The following SCARA3 variants were observed in gnomAD, a reference collection of about 807,000 sequenced individuals.
SCARA3 encodes scavenger receptor class A member 3.
In SCARA3, 39 loss-of-function variants were observed where a neutral mutation model predicts 47.0. The ratio of observed to expected loss-of-function variants is 0.83; its 90% CI spans 0.64 to 1.08. SCARA3 has a LOEUF of 1.08. Among genes scored for constraint, SCARA3 ranks in the 50% least tolerant of loss-of-function variants. The pLI is 0.00. For synonymous variants in SCARA3, 356 were observed against 334.1 expected, an observed-to-expected ratio of 1.07 and a Z score of -0.71; for missense variants, 724 against 792.3, an observed-to-expected ratio of 0.91 and a Z score of 1.04.
At chr8:27,659,668 C>CA in intron 5 of SCARA3, 129 bp downstream of exon 5, 1 of 718,488 alleles carries the variant, frequency 1.4e-6, no homozygotes, top group Non-Finnish European at 2.2e-6. Context: ...CAAATGCCTA[C>CA]AGCAGTCGGC....
At chr8:27,725,545 A>G in the SCARA3 span, among the ~76,000 whole-genome samples, 10 of 145,592 alleles carry the variant, frequency 6.9e-5, no homozygotes, top group African/African-American at 2.3e-4. Flanking sequence ...AAAAAAAACC[A>G]GAATAATCTA....
At chr8:27,720,396 G>A in the SCARA3 span, among the ~76,000 whole-genome samples, 4 of 152,206 alleles carry the variant, frequency 2.6e-5, no homozygotes, top group Non-Finnish European at 4.4e-5. Flanking sequence ...GGAAGGGGCT[G>A]TGTAAGTCAG....
chr8:27,689,119 C>G, the SCARA3 span, among the ~76,000 whole-genome samples: 1 of 152,040 alleles, frequency 6.6e-6, no homozygotes, highest in Admixed American at 6.6e-5. Context: ...GCCCAAAAAT[C>G]CAAAGCGGAG....
chr8:27,634,165 C>G lies in SCARA3; in HGVS notation c.-36C>G. On this transcript the variant is annotated 5_prime_UTR_variant, in exon 1 of 6. Coordinates refer to ENST00000301904, the MANE Select transcript of SCARA3 (RefSeq NM_016240.3). ...GCTCCACTACAGCTCCAGCCGCCTG[C>G]AGCGGGGCCCTCCTGAGGCCCCAGA... 1 of 1,447,684 alleles carries G rather than the reference C, an allele frequency of 6.9e-7. No individual in the cohort carries two copies. Among genetic ancestry groups the G allele is most frequent in the Non-Finnish European group, 9.1e-7 (1 of 1,104,354 alleles). The allele number at this position is 1,447,684 out of a possible 1,614,324, so 89.7% of individuals were successfully genotyped here. A position where few individuals can be genotyped will look rare whatever the true frequency, so the allele number is the denominator to read the frequency against.
the SCARA3 span, among the ~76,000 whole-genome samples, chr8:27,687,078 A>G: frequency 6.6e-6 from 1 of 152,170 alleles, no homozygotes; most frequent in East Asian, 1.9e-4. Context: ...TGGGCAGGTG[A>G]CTCAGGTCTG....
the SCARA3 span, chr8:27,703,526 G>T: frequency 6.6e-6 from 1 of 152,250 alleles, no homozygotes; most frequent in Admixed American, 6.5e-5. Flanking sequence ...AGAAAAACCT[G>T]GTCTCCCAAC....
the SCARA3 span, among the ~76,000 whole-genome samples, chr8:27,681,854 A>T: frequency 1.3e-5 from 2 of 152,252 alleles, no homozygotes; most frequent in African/African-American, 4.8e-5. Context: ...ATTGATCTAT[A>T]GTCAATGTAA....
chr8:27,682,731 G>A, the SCARA3 span, among the ~76,000 whole-genome samples: 6 of 152,120 alleles, frequency 3.9e-5, no homozygotes, highest in African/African-American at 1.4e-4. Flanking sequence ...TGTTGGCAAG[G>A]ATGTAAAGCA....
Position 27,651,579 on chromosome 8 carries a change from C to T in SCARA3, c.178C>T (p.Leu60Phe), listed in dbSNP as rs777574301. Residue 60 changes from leucine to phenylalanine, a missense_variant, in exon 3 of 6, where the codon CTC becomes TTC. By Grantham distance (22) the Leu-to-Phe change is conservative. Transcript: ENST00000301904. Reference sequence around the variant, plus strand: ...GCACACATCGGTGCGGATTCTTTACCTCTTCCTGGCCCTGCTCCTGGTGGC... The same window carrying T: ...GCACACATCGGTGCGGATTCTTTACTTCTTCCTGGCCCTGCTCCTGGTGGC... ...SLHTSVRILY[L>F]FLALLLVAVA... The T allele has an allele frequency of 6.2e-7, 1 of 1,614,154 alleles. No individual in the cohort carries two copies. The highest frequency in any genetic ancestry group is 2.2e-5 in the East Asian group (1 of 44,882).
At chr8:27,706,249 G>A in the SCARA3 span, among the ~76,000 whole-genome samples, 18 of 152,116 alleles carry the variant, frequency 1.2e-4, no homozygotes, top group Non-Finnish European at 2.4e-4. Context: ...TCTGCCTCCT[G>A]GATTCAACAT....
chr8:27,722,050 A>G, the SCARA3 span, among the ~76,000 whole-genome samples: 1 of 152,238 alleles, frequency 6.6e-6, no homozygotes, highest in Non-Finnish European at 1.5e-5. Context: ...TGATAGCATC[A>G]CTGTGCCCCA....
At chr8:27,716,225 A>T in the SCARA3 span, among the ~76,000 whole-genome samples, 1 of 152,016 alleles carries the variant, frequency 6.6e-6, no homozygotes, top group East Asian at 1.9e-4. Context: ...AGGCGGGAGG[A>T]TCACTTGAGC....
chr8:27,727,844 G>C, the SCARA3 span, among the ~76,000 whole-genome samples: 19 of 152,306 alleles, frequency 1.2e-4, no homozygotes, highest in African/African-American at 4.3e-4. Context: ...TACAGAAAGA[G>C]AGCCAAACCA....
chr8:27,663,364 A>G (rs35152624), intron 5 of SCARA3, among the ~76,000 whole-genome samples: 13,698 of 152,292 alleles, frequency 0.09, 836 homozygotes, highest in Middle Eastern at 0.14. Flanking sequence ...CCATGAGGCC[A>G]CAGGTGCAGG....
At chr8:27,687,370 T>G in the SCARA3 span, among the ~76,000 whole-genome samples, 1 of 152,184 alleles carries the variant, frequency 6.6e-6, no homozygotes, top group Non-Finnish European at 1.5e-5. Flanking sequence ...ACACTTCCCC[T>G]GCTCTAACCA....
Position 27,671,869 on chromosome 8 carries a change from C to T in SCARA3, c.*518C>T, listed in dbSNP as rs1802175330. The T allele has an allele frequency of 1.0e-6, 1 of 985,380 alleles. No individual in the cohort carries two copies. The highest frequency in any genetic ancestry group is 6.1e-5 in the Admixed American group (1 of 16,276). 61.0% of individuals were successfully genotyped at this position (985,380 alleles called of 1,614,324 possible). On this transcript the variant is annotated 3_prime_UTR_variant, in exon 6 of 6. Coordinates refer to ENST00000301904, the MANE Select transcript of SCARA3 (RefSeq NM_016240.3). The stretch of plus-strand genomic sequence containing the variant: ...CTGGCCAGGTGGGCCAACTGGGTTT[C>T]CCTGGCTGGGCAGGAGGAGAGGGCA...
chr8:27,704,215 G>A, the SCARA3 span, among the ~76,000 whole-genome samples: 1 of 152,094 alleles, frequency 6.6e-6, no homozygotes, highest in Non-Finnish European at 1.5e-5. Flanking sequence ...AGAGGCAGAG[G>A]CAGGAGGATC....
chr8:27,669,021 G>A (rs947675198), intron 5 of SCARA3, among the ~76,000 whole-genome samples: 3 of 152,188 alleles, frequency 2.0e-5, no homozygotes, highest in African/African-American at 7.2e-5. Context: ...CTTTTCCTGA[G>A]TCAAGGCTGG....
intron 1 of SCARA3, among the ~76,000 whole-genome samples, chr8:27,646,978 C>CCCCCCA (rs1801514724): frequency 9.1e-6 from 1 of 110,492 alleles, no homozygotes; most frequent in South Asian, 4.7e-4. Context: ...CCCCGCCCCC[C>CCCCCCA]CCCCGCACAC....
Sources: allele counts gnomAD v4.1 joint callset (sites outside exome capture counted in the v4.1 genomes callset), GRCh38; gene constraint gnomAD v4.1.1; transcripts MANE v1.5; gene names NCBI Gene and HGNC (gene_info 2026-07-23, HGNC 2026-07-21).